KIRREL2: variants seen among roughly 807,000 people sequenced by gnomAD.
KIRREL2 encodes kin of IRRE-like protein 2.
A neutral mutation model predicts 73.4 loss-of-function variants in KIRREL2; 56 were observed. The observed-to-expected ratio is 0.76, with a 90% CI of 0.62 to 0.95. The LOEUF (loss-of-function observed/expected upper bound fraction) is 0.95. Ranked by LOEUF, KIRREL2 falls within the 40% of genes least tolerant of loss-of-function variation. The pLI, the probability that KIRREL2 is intolerant of heterozygous loss-of-function variation, is 0.00. For synonymous variants in KIRREL2, 407 were observed against 404.0 expected, an observed-to-expected ratio of 1.01 and a Z score of -0.09; for missense variants, 896 against 935.0, an observed-to-expected ratio of 0.96 and a Z score of 0.54.
At chr19:35,863,133 C>T (rs2071926154) in intron 13 of KIRREL2, 97 bp downstream of exon 13, 5 of 698,144 alleles carry the variant, frequency 7.2e-6, no homozygotes, top group East Asian at 2.7e-5. Flanking sequence ...ACTCTAAGGC[C>T]AGGCATGGTG....
chr19:35,864,121 G>A (rs1380478957), intron 13 of KIRREL2, among the ~76,000 whole-genome samples: 1 of 151,920 alleles, frequency 6.6e-6, no homozygotes, highest in African/African-American at 2.4e-5. Flanking sequence ...TGTCACCCAA[G>A]TCCATGCCCC....
Position 35,866,147 on chromosome 19 carries a change from G to A in KIRREL2, c.1792-10G>A. On this transcript the variant is annotated splice_polypyrimidine_tract_variant and intron_variant, in intron 14 of 14. Coordinates refer to ENST00000360202, the MANE Select transcript of KIRREL2 (RefSeq NM_199180.4). The stretch of plus-strand genomic sequence containing the variant: ...TCACAGACTTTACTGAGTCCCATTT[G>A]TCCCCTCAGGACCCAACCAACGGTT... The A allele has an allele frequency of 6.3e-7, 1 of 1,592,274 alleles. No homozygotes were observed. Among genetic ancestry groups the A allele is most frequent in the Non-Finnish European group, 8.5e-7 (1 of 1,174,620 alleles).
At position 35,857,329 on chromosome 19, in the gene KIRREL2, C is replaced by G. The variant is rs1357121190; in HGVS notation, c.62-16C>G. On this transcript the variant is annotated splice_polypyrimidine_tract_variant and intron_variant, in intron 1 of 14. Coordinates refer to ENST00000360202, the MANE Select transcript of KIRREL2 (RefSeq NM_199180.4). ...GAAGGTGCTAAGCTCAGCCCTGCTG[C>G]CCCGAACTCTCCTAGGCCCGTCGCC... 6.2e-7 allele frequency: 1 copy of G among 1,612,036 alleles called. No individual in the cohort carries two copies. The highest frequency in any genetic ancestry group is 8.5e-7 in the Non-Finnish European group (1 of 1,180,020).
Position 35,861,991 on chromosome 19 carries a change from G to A in KIRREL2, c.1477G>A (p.Glu493Lys), listed in dbSNP as rs774689395. The A allele has an allele frequency of 1.9e-6, 3 of 1,612,026 alleles. No homozygotes were observed. The highest frequency in any genetic ancestry group is 3.3e-5 in the Admixed American group (2 of 59,714). The change falls in exon 11 of 15, where the codon GAG (glutamate) becomes AAG (lysine). Residue 493 changes from glutamate to lysine, a missense_variant. Transcript: ENST00000360202. ...FNCSARNRLG[E>K]GGAQASLGRR... is the part of the protein sequence containing the mutation. ...CTGCAGTGCCCGGAACCGGCTGGGC[G>A]AGGGAGGTGCCCAGGCCAGCCTGGG...
chr19:35,861,275 A>T (rs1599863960), intron 9 of KIRREL2, 21 bp downstream of exon 9: 10 of 1,520,310 alleles, frequency 6.6e-6, no homozygotes, highest in Middle Eastern at 2.0e-4. Context: ...GGGGCTTCCT[A>T]GGGGACCTGG....
chr19:35,860,601 C>T lies in KIRREL2; in HGVS notation c.862C>T (p.Pro288Ser). 1 of 1,603,812 alleles carries T rather than the reference C, an allele frequency of 6.2e-7. No individual in the cohort carries two copies. The change falls in exon 7 of 15, where the codon CCC becomes TCC. Residue 288 changes from proline (P) to serine (S), a missense_variant. By Grantham distance (74) the Pro-to-Ser change is moderately conservative (BLOSUM62 -1). Coordinates refer to ENST00000360202, the MANE Select transcript of KIRREL2 (RefSeq NM_199180.4). ...VVADASFLTE[P>S]VSCEVSNAVG... ...GGCAGACGCCTCGTTCCTGACTGAG[C>T]CCGTGTCCTGCGAGGTCAGCAACGC...
chr19:35,865,726 G>C (rs1213818516), intron 14 of KIRREL2, among the ~76,000 whole-genome samples: 1 of 152,080 alleles, frequency 6.6e-6, no homozygotes, highest in Non-Finnish European at 1.5e-5. Context: ...GACCCCTCTG[G>C]GTACTGTCTC....
chr19:35,857,126 A>C lies in KIRREL2; in HGVS notation c.7A>C (p.Arg3=). 1 of 1,603,650 alleles carries C rather than the reference A, an allele frequency of 6.2e-7. No homozygotes were observed. Among genetic ancestry groups the C allele is most frequent in the Admixed American group, 1.7e-5 (1 of 59,184 alleles). The change falls in exon 1 of 15, where the codon AGG becomes CGG. Residue 3 remains arginine (R), a synonymous_variant. Transcript: ENST00000360202. ML[R]MRVPALLVLL... ...CGTGAACCTTGGGGGACGAATGCTC[A>C]GGATGCGGGTCCCCGCCCTCCTCGT... is the stretch of plus-strand genomic sequence containing the variant.
upstream of KIRREL2, chr19:35,851,958 G>T: frequency 1.2e-6 from 1 of 802,756 alleles, no homozygotes; most frequent in Non-Finnish European, 2.1e-6. Context: ...ATCTCTTTCC[G>T]TTACTCTCCT....
At chr19:35,860,224 G>A in intron 5 of KIRREL2, 73 bp from the exon 6 acceptor site, 1 of 1,253,118 alleles carries the variant, frequency 8.0e-7, no homozygotes, top group Non-Finnish European at 1.1e-6. Flanking sequence ...GAGGAACCAG[G>A]GACTGGACAC....
rs529511299 is a variant in KIRREL2 at position 35,861,875 on chromosome 19, C to A, written c.1361C>A (p.Ala454Asp). 2 of 1,595,010 alleles carry A rather than the reference C, an allele frequency of 1.3e-6. No individual in the cohort carries two copies. The highest frequency in any genetic ancestry group is 1.1e-5 in the South Asian group (1 of 88,264). The part of the protein sequence containing the change: ...QGRFLVETFP[A>D]PESRGGLGPG... ...CGGTTCCTGGTGGAGACATTCCCTG[C>A]CCCAGAGAGCCGCGGGGGACTGGGT... is the stretch of plus-strand genomic sequence containing the variant. The change falls in exon 11 of 15, where the codon GCC becomes GAC. Residue 454 changes from alanine (A) to aspartate (D), a missense_variant. Ala to Asp is a moderately radical substitution (Grantham distance 126). Coordinates refer to ENST00000360202, the MANE Select transcript of KIRREL2 (RefSeq NM_199180.4).
At position 35,858,701 on chromosome 19, in the gene KIRREL2, CA is replaced by C; in HGVS notation, c.362-2del. ...CATCTCTGACCCCAAATCCACCTTG[CA>C]GTCCCCCCAGAAGCCCCCCAGGTGC... On this transcript the variant is annotated splice_acceptor_variant, in intron 3 of 14. Coordinates refer to ENST00000360202, the MANE Select transcript of KIRREL2 (RefSeq NM_199180.4). LOFTEE classifies it high-confidence loss of function. The C allele has an allele frequency of 6.2e-7, 1 of 1,613,862 alleles. No homozygotes were observed. The highest frequency in any genetic ancestry group is 8.5e-7 in the Non-Finnish European group (1 of 1,179,916).
intron 5 of KIRREL2, among the ~76,000 whole-genome samples, chr19:35,860,045 C>T (rs1052473192): frequency 6.6e-6 from 1 of 152,144 alleles, no homozygotes; most frequent in Non-Finnish European, 1.5e-5. Context: ...AGAGGACAGA[C>T]AGCTGGGGTC....
intron 14 of KIRREL2, 78 bp downstream of exon 14, chr19:35,864,791 C>G: frequency 7.3e-6 from 8 of 1,096,004 alleles, no homozygotes; most frequent in Non-Finnish European, 1.1e-5. Flanking sequence ...CGTCTCTCTC[C>G]CACGCCTGTC....
chr19:35,861,982 C>T lies in KIRREL2; in HGVS notation c.1468C>T (p.Arg490Trp), dbSNP rs1411795133. 16 of 1,612,504 alleles carry T rather than the reference C, an allele frequency of 9.9e-6. No individual in the cohort carries two copies. In the Admixed American group the frequency reaches 2.7e-4, roughly 27 times the overall value. ...SRSFNCSARN[R>W]LGEGGAQASL... Reference sequence around the variant, plus strand: ...GAGCTTTAACTGCAGTGCCCGGAACCGGCTGGGCGAGGGAGGTGCCCAGGC... The same window carrying T: ...GAGCTTTAACTGCAGTGCCCGGAACTGGCTGGGCGAGGGAGGTGCCCAGGC... The change falls in exon 11 of 15, where the codon CGG (arginine) becomes TGG (tryptophan). Residue 490 changes from arginine (R) to tryptophan (W), a missense_variant. By Grantham distance (101) the Arg-to-Trp change is moderately radical. Transcript: ENST00000360202.
In KIRREL2 at chr19:35,858,696, C is replaced by A. The variant is rs779657357; in HGVS notation, c.362-8C>A. On this transcript the variant is annotated splice_region_variant and splice_polypyrimidine_tract_variant and intron_variant, in intron 3 of 14. Coordinates refer to ENST00000360202, the MANE Select transcript of KIRREL2 (RefSeq NM_199180.4). ...GGATCCATCTCTGACCCCAAATCCACCTTGCAGTCCCCCCAGAAGCCCCCC... is the reference window on the plus strand; with the variant it reads ...GGATCCATCTCTGACCCCAAATCCAACTTGCAGTCCCCCCAGAAGCCCCCC... 1 of 1,613,750 alleles carries A rather than the reference C, an allele frequency of 6.2e-7. No individual in the cohort carries two copies. The highest frequency in any genetic ancestry group is 1.1e-5 in the South Asian group (1 of 91,066).
chr19:35,857,692 A>G (rs887934183), intron 2 of KIRREL2, among the ~76,000 whole-genome samples, 198 bp downstream of exon 2: 4 of 152,132 alleles, frequency 2.6e-5, no homozygotes, highest in African/African-American at 9.7e-5. Context: ...TTATTGCAAA[A>G]TAGTACATAG....
At position 35,866,154 on chromosome 19, in the gene KIRREL2, C is replaced by T; in HGVS notation, c.1792-3C>T. On this transcript the variant is annotated splice_polypyrimidine_tract_variant and splice_region_variant and intron_variant, in intron 14 of 14. Transcript: ENST00000360202. ...CTTTACTGAGTCCCATTTGTCCCCTCAGGACCCAACCAACGGTTACTACAA... is the reference window on the plus strand; with the variant it reads ...CTTTACTGAGTCCCATTTGTCCCCTTAGGACCCAACCAACGGTTACTACAA... 1 of 1,604,800 alleles carries T rather than the reference C, an allele frequency of 6.2e-7. No individual in the cohort carries two copies. The highest frequency in any genetic ancestry group is 8.5e-7 in the Non-Finnish European group (1 of 1,177,800).
upstream of KIRREL2, among the ~76,000 whole-genome samples, chr19:35,855,483 T>C (rs1278780715): frequency 6.6e-6 from 1 of 151,260 alleles, no homozygotes; most frequent in East Asian, 1.9e-4. Flanking sequence ...TCCAGCCCCA[T>C]GTCCATCCTA....
Sources: allele counts gnomAD v4.1 joint callset (sites outside exome capture counted in the v4.1 genomes callset), GRCh38; gene constraint gnomAD v4.1.1; transcripts MANE v1.5; gene names NCBI Gene and HGNC (gene_info 2026-07-23, HGNC 2026-07-21).